Variants in PRDM7 observed in about 807,000 individuals in gnomAD.
PRDM7 encodes histone-lysine N-methyltransferase PRDM7.
Under a neutral mutation model 64.3 loss-of-function variants are expected in PRDM7, and 52 were observed. That is an observed-to-expected ratio of 0.81 (90% CI 0.65 to 1.02). The LOEUF (loss-of-function observed/expected upper bound fraction) is 1.02, where lower values mean the gene tolerates loss of function less well. PRDM7 is among the 50% of genes least tolerant of loss of function. The pLI is 0.00. For synonymous variants in PRDM7, 192 were observed against 210.1 expected, an observed-to-expected ratio of 0.91 and a Z score of 0.74; for missense variants, 574 against 597.1, an observed-to-expected ratio of 0.96 and a Z score of 0.40.
In PRDM7 at chr16:90,056,833, C is replaced by T. The variant is rs536841705; in HGVS notation, c.*1456G>A. ...TAACATCAGTTGCTAGGTCAGGGGT[C>T]GAATTTTAACTACCAGGCTTAGGTC... On this transcript the variant is annotated 3_prime_UTR_variant, in exon 11 of 11. Transcript: ENST00000449207. 8 of 152,280 alleles carry T rather than the reference C, an allele frequency of 5.3e-5. No individual in the cohort carries two copies. Among genetic ancestry groups the T allele is most frequent in the South Asian group, 4.1e-4 (2 of 4,832 alleles). The allele number at this position is 152,280 out of a possible 1,614,324, so 9.4% of individuals were successfully genotyped here. A position where few individuals can be genotyped will look rare whatever the true frequency, so the allele number is the denominator to read the frequency against.
intron 10 of PRDM7, among the ~76,000 whole-genome samples, chr16:90,059,144 G>C (rs1234073130): frequency 6.6e-6 from 1 of 152,154 alleles, no homozygotes; most frequent in African/African-American, 2.4e-5. Context: ...TTATGTGCCC[G>C]GTTCTCCATC....
Position 90,075,056 on chromosome 16 carries a change from G to C in PRDM7, c.194-33C>G. 6.2e-7 allele frequency: 1 copy of C among 1,608,720 alleles called. No homozygotes were observed. Among genetic ancestry groups the C allele is most frequent in the Non-Finnish European group, 8.5e-7 (1 of 1,175,234 alleles). On this transcript the variant is annotated intron_variant, in intron 3 of 10. Coordinates refer to ENST00000449207, the MANE Select transcript of PRDM7 (RefSeq NM_001098173.2). This position sits in a 1 kb window ranked among gnomAD's most constrained non-coding sequence, Gnocchi z 4.3. ...GAAGCAAAAAATTTTGCTCTGAAAC[G>C]GAAGAGCTGGGATGAGGAACAAAGG... is the stretch of plus-strand genomic sequence containing the variant.
chr16:90,069,443 A>G (rs2037925807), intron 4 of PRDM7, among the ~76,000 whole-genome samples: 1 of 151,578 alleles, frequency 6.6e-6, no homozygotes, highest in South Asian at 2.1e-4. Context: ...TGACATTGAA[A>G]TGAACAATAA....
At chr16:90,073,432 C>G (rs1452394301) in intron 4 of PRDM7, among the ~76,000 whole-genome samples, 1 of 149,974 alleles carries the variant, frequency 6.7e-6, no homozygotes, top group African/African-American at 2.5e-5. Flanking sequence ...TGGAGTCTCG[C>G]TCTGTCGCCC....
At chr16:90,074,818 G>T (rs1422508028) in intron 4 of PRDM7, 98 bp downstream of exon 4, 1 of 1,217,388 alleles carries the variant, frequency 8.2e-7, no homozygotes, top group Non-Finnish European at 1.2e-6. Flanking sequence ...GGCAGAGGTT[G>T]CCGTGAGCCA....
At position 90,075,136 on chromosome 16, in the gene PRDM7, G is replaced by A; in HGVS notation, c.194-113C>T. The A allele has an allele frequency of 7.4e-7, 1 of 1,354,478 alleles. No individual in the cohort carries two copies. The highest frequency in any genetic ancestry group is 1.0e-6 in the Non-Finnish European group (1 of 959,582). The allele number at this position is 1,354,478 out of a possible 1,614,324, so 83.9% of individuals were successfully genotyped here. A position where few individuals can be genotyped will look rare whatever the true frequency, so the allele number is the denominator to read the frequency against. ...AGTGCTGCTCAGTCTGATGAGCTGGGAGAGTCTTGAACAAGGTCAAGATGT... is the reference window on the plus strand; with the variant it reads ...AGTGCTGCTCAGTCTGATGAGCTGGAAGAGTCTTGAACAAGGTCAAGATGT... On this transcript the variant is annotated intron_variant, in intron 3 of 10. Transcript: ENST00000449207. The surrounding 1 kb of genome is among the most constrained non-coding windows in gnomAD (Gnocchi z 4.3).
At chr16:90,068,714 G>A (rs2037915373) in intron 4 of PRDM7, among the ~76,000 whole-genome samples, 1 of 149,728 alleles carries the variant, frequency 6.7e-6, no homozygotes, top group Non-Finnish European at 1.5e-5. Context: ...TTTCTATTTA[G>A]TAAAAATGAG....
chr16:90,062,549 T>C, intron 6 of PRDM7, 47 bp from the exon 7 acceptor site: 1 of 1,467,130 alleles, frequency 6.8e-7, no homozygotes, highest in Non-Finnish European at 9.6e-7. Context: ...TCTGGGGTGT[T>C]TGTCCTTGTT....
In PRDM7 at chr16:90,057,584, G is replaced by A; in HGVS notation, c.*705C>T. The A allele has an allele frequency of 1.8e-6, 1 of 563,336 alleles. No homozygotes were observed. The highest frequency in any genetic ancestry group is 3.4e-5 in the South Asian group (1 of 29,264). The allele number at this position is 563,336 out of a possible 1,614,324, so 34.9% of individuals were successfully genotyped here. On this transcript the variant is annotated 3_prime_UTR_variant, in exon 11 of 11. Transcript: ENST00000449207. ...GAGGCAAAACACAAAAAATGGAGGG[G>A]ATCAGTGCGGGAAACAACCACACAT... is the stretch of plus-strand genomic sequence containing the variant.
rs2037773339 is a variant in PRDM7, at chr16:90,061,357, G to C, written c.950+95C>G. The C allele has an allele frequency of 2.3e-6, 3 of 1,301,964 alleles. No homozygotes were observed. In the African/African-American group the frequency reaches 4.5e-5, roughly 19 times the overall value. 80.7% of individuals were successfully genotyped at this position (1,301,964 alleles called of 1,614,324 possible). ...GGAGAAAAATAGAAATAGGGGATGT[G>C]AAAATCATTGAGGGAGGCATAATGA... On this transcript the variant is annotated intron_variant, in intron 9 of 10. Coordinates refer to ENST00000449207, the MANE Select transcript of PRDM7 (RefSeq NM_001098173.2).
intron 4 of PRDM7, among the ~76,000 whole-genome samples, chr16:90,072,790 G>A (rs1193837170): frequency 6.6e-6 from 1 of 152,220 alleles, no homozygotes; most frequent in East Asian, 1.9e-4. Flanking sequence ...AGATAAAGAT[G>A]TATAGATGTG....
chr16:90,067,283 A>T (rs2037890623), intron 4 of PRDM7, among the ~76,000 whole-genome samples: 1 of 151,130 alleles, frequency 6.6e-6, no homozygotes, highest in Non-Finnish European at 1.5e-5. Flanking sequence ...GGAGTTTCTC[A>T]TTAGAGACAG....
At chr16:90,067,010 G>T (rs542359575) in intron 4 of PRDM7, 100 bp from the exon 5 acceptor site, 1 of 1,016,178 alleles carries the variant, frequency 9.8e-7, no homozygotes, top group East Asian at 2.8e-5. Context: ...TGTCGCCCAG[G>T]CTGGAGTGCA....
rs1270581377 is a variant in PRDM7 at position 90,062,423 on chromosome 16, C to T, written c.588G>A (p.Glu196=). 6.2e-7 allele frequency: 1 copy of T among 1,614,126 alleles called. No individual in the cohort carries two copies. The highest frequency in any genetic ancestry group is 8.5e-7 in the Non-Finnish European group (1 of 1,179,978). Residue 196 remains glutamate, a synonymous_variant, in exon 7 of 11, where the codon GAG becomes GAA. Coordinates refer to ENST00000449207, the MANE Select transcript of PRDM7 (RefSeq NM_001098173.2). ...CACAGAGGTAGTCATCATCCTGTGG[C>T]TCGCTGATCTCTTTGTATGCATGAC... The part of the protein sequence containing the change: ...RKGHAYKEIS[E]PQDDDYLYCE...
chr16:90,061,325 A>C (rs998889757), intron 9 of PRDM7, 127 bp downstream of exon 9: 17 of 931,444 alleles, frequency 1.8e-5, no homozygotes, highest in African/African-American at 3.4e-5. Context: ...ATAAAACAGC[A>C]TTGTATGGAG....
intron 1 of PRDM7, among the ~76,000 whole-genome samples, 165 bp from the exon 2 acceptor site, chr16:90,076,160 G>A (rs1384949458): frequency 6.6e-6 from 1 of 152,204 alleles, no homozygotes; most frequent in Non-Finnish European, 1.5e-5. Flanking sequence ...GGATGGGAAG[G>A]CCTCCACTGG....
Position 90,066,883 on chromosome 16 carries a change from C to T in PRDM7, c.329G>A (p.Gly110Glu). 1 of 1,599,568 alleles carries T rather than the reference C, an allele frequency of 6.3e-7. No individual in the cohort carries two copies. The highest frequency in any genetic ancestry group is 1.1e-5 in the South Asian group (1 of 90,896). ...QVKPPWMAFR[G>E]EQSKHQKGMP... is the part of the protein sequence containing the mutation. ...TACCTTCTGGTGTTTACTCTGTTCTCCTCTGAAGGCCATCCAAGGAGGTTT... is the reference window on the plus strand; with the variant it reads ...TACCTTCTGGTGTTTACTCTGTTCTTCTCTGAAGGCCATCCAAGGAGGTTT... The change falls in exon 5 of 11, where the codon GGA becomes GAA. Residue 110 changes from glycine to glutamate, a missense_variant. Physicochemically the swap from Gly to Glu is moderately conservative, Grantham distance 98 (BLOSUM62 -2). Coordinates refer to ENST00000449207, the MANE Select transcript of PRDM7 (RefSeq NM_001098173.2).
chr16:90,062,406 T>C lies in PRDM7; in HGVS notation c.605A>G (p.Tyr202Cys), dbSNP rs576233382. 9 of 1,613,914 alleles carry C rather than the reference T, an allele frequency of 5.6e-6. No individual in the cohort carries two copies. The highest frequency in any genetic ancestry group is 1.7e-5 in the Admixed American group (1 of 60,022). Residue 202 changes from tyrosine to cysteine, a missense_variant, in exon 7 of 11, where the codon TAC becomes TGC. Transcript: ENST00000449207. ...KEISEPQDDDYLYCEMCQNFF... is the reference protein window; with the variant it reads ...KEISEPQDDDCLYCEMCQNFF... The stretch of plus-strand genomic sequence containing the variant: ...TGGCTGAAAGGGTCACTCACAGAGG[T>C]AGTCATCATCCTGTGGCTCGCTGAT...
intron 4 of PRDM7, among the ~76,000 whole-genome samples, chr16:90,067,264 C>G (rs986329034): frequency 1.3e-5 from 2 of 151,172 alleles, no homozygotes; most frequent in Non-Finnish European, 2.9e-5. Flanking sequence ...CTATGCTTGG[C>G]CTAACTCTGG....
Sources: gnomAD v4.1 joint callset for allele counts (sites outside exome capture counted in the v4.1 genomes callset) on GRCh38, gnomAD v4.1.1 for gene constraint, Gnocchi (gnomAD v3.1) non-coding constraint, MANE v1.5 for transcripts, NCBI Gene and HGNC (gene_info 2026-07-23, HGNC 2026-07-21) for gene names.